Variants in FGF14 observed in about 807,000 individuals in gnomAD.
FGF14 encodes fibroblast growth factor 14.
A neutral mutation model predicts 25.5 loss-of-function variants in FGF14; 5 were observed. The ratio of observed to expected loss-of-function variants is 0.20; its 90% CI spans 0.10 to 0.41. The LOEUF is 0.41. Ranked by LOEUF, FGF14 falls within the 10% of genes least tolerant of loss-of-function variation. The pLI, the probability that FGF14 is intolerant of heterozygous loss-of-function variation, is 1.00. For synonymous variants in FGF14, 138 were observed against 118.3 expected, an observed-to-expected ratio of 1.17 and a Z score of -1.08; for missense variants, 222 against 320.1, an observed-to-expected ratio of 0.69 and a Z score of 2.34.
chr13:102,240,828 G>T (rs2141026816), intron 1 of FGF14, among the ~76,000 whole-genome samples: 1 of 152,056 alleles, frequency 6.6e-6, no homozygotes, highest in East Asian at 1.9e-4. Flanking sequence ...AAAATTAGGA[G>T]AAACAATACA....
intron 1 of FGF14, among the ~76,000 whole-genome samples, chr13:102,153,633 T>C (rs2047187863): frequency 6.6e-6 from 1 of 152,240 alleles, no homozygotes; most frequent in Non-Finnish European, 1.5e-5. Context: ...ATTTACCCTA[T>C]TTATCATTTT....
At chr13:102,353,780 T>C (rs1442796164) in intron 1 of FGF14, among the ~76,000 whole-genome samples, 1 of 152,120 alleles carries the variant, frequency 6.6e-6, no homozygotes, top group African/African-American at 2.4e-5. Flanking sequence ...CCCTGCAGAG[T>C]GTTTTTCCTA....
intron 1 of FGF14, among the ~76,000 whole-genome samples, chr13:102,354,781 T>C (rs527393191): frequency 1.3e-5 from 2 of 152,214 alleles, no homozygotes; most frequent in Non-Finnish European, 2.9e-5. Context: ...GAAAGAATCA[T>C]TTGCACTTCC....
chr13:102,257,368 T>TTTTTTTTTTTC (rs1324599457), intron 1 of FGF14, among the ~76,000 whole-genome samples: 1 of 144,640 alleles, frequency 6.9e-6, no homozygotes, highest in Non-Finnish European at 1.5e-5. Flanking sequence ...TTTTTTTTTT[T>TTTTTTTTTTTC]CGAGACGGAG....
chr13:102,185,069 T>C (rs2048825639), intron 1 of FGF14, among the ~76,000 whole-genome samples: 1 of 152,134 alleles, frequency 6.6e-6, no homozygotes, highest in Non-Finnish European at 1.5e-5. Context: ...AAGCATATGT[T>C]CTCAGGTAAA....
At chr13:102,358,964 A>C (rs1056752586) in intron 1 of FGF14, among the ~76,000 whole-genome samples, 1 of 152,220 alleles carries the variant, frequency 6.6e-6, no homozygotes, top group Admixed American at 6.5e-5. Context: ...TGTGGTACAT[A>C]TATACCATGG....
chr13:102,357,885 A>G (rs2057462082), intron 1 of FGF14, among the ~76,000 whole-genome samples: 1 of 152,222 alleles, frequency 6.6e-6, no homozygotes, highest in African/African-American at 2.4e-5. Context: ...ACCGTCCTCT[A>G]GAGCAAAATG....
intron 1 of FGF14, among the ~76,000 whole-genome samples, chr13:101,934,921 CTT>C (rs1243345319): frequency 1.3e-5 from 2 of 152,150 alleles, no homozygotes; most frequent in Admixed American, 6.5e-5. Context: ...GATGTACCCT[CTT>C]AACAGATTTT....
rs188115089 is a variant in FGF14, at chr13:102,112,130, A to T, written c.209-236834T>A. On this transcript the variant is annotated intron_variant, in intron 1 of 4. Transcript: ENST00000376131. ...ATTATTCTAGTACTTCATACTTATT[A>T]TCTCACTTAATCTCTCAAAACTCTG... 4.4e-3 allele frequency among the ~76,000 whole-genome samples: 666 copies of T among 152,304 alleles called. 8 individuals carry two copies. The highest frequency in any genetic ancestry group is 0.031 in the South Asian group (152 of 4,828).
chr13:101,733,421 C>T (rs2035943245), intron 3 of FGF14, among the ~76,000 whole-genome samples: 1 of 151,724 alleles, frequency 6.6e-6, no homozygotes, highest in Non-Finnish European at 1.5e-5. Flanking sequence ...ATGGTGAAAC[C>T]CCATCTCTAA....
At chr13:101,845,884 G>T (rs1176214255) in intron 3 of FGF14, among the ~76,000 whole-genome samples, 1 of 151,906 alleles carries the variant, frequency 6.6e-6, no homozygotes, top group Non-Finnish European at 1.5e-5. Context: ...GGGGGTAGGT[G>T]GTGGCAGGGC....
intron 3 of FGF14, among the ~76,000 whole-genome samples, chr13:101,777,849 A>G (rs2039227153): frequency 6.6e-6 from 1 of 152,132 alleles, no homozygotes; most frequent in African/African-American, 2.4e-5. Flanking sequence ...CTGTAATTCC[A>G]GCTAGTCGGG....
At chr13:102,010,824 C>A (rs1361515295) in intron 1 of FGF14, among the ~76,000 whole-genome samples, 1 of 152,116 alleles carries the variant, frequency 6.6e-6, no homozygotes, top group Non-Finnish European at 1.5e-5. Context: ...AACAATGGGG[C>A]AGTATGTCAG....
rs143175606 is a variant in FGF14 at position 101,965,912 on chromosome 13, A to G, written c.209-90616T>C. Among the ~76,000 whole-genome samples the G allele has an allele frequency of 5.0e-3, 760 of 152,282 alleles. 7 individuals carry two copies. Among genetic ancestry groups the G allele is most frequent in the African/African-American group, 0.017 (708 of 41,548 alleles). On this transcript the variant is annotated intron_variant, in intron 1 of 4. Transcript: ENST00000376131. Reference sequence around the variant, plus strand: ...AACTGAAAAGTGTCACTCCATAAAGAAAAAATAATTGGTAATTTTATACTT... The same window carrying G: ...AACTGAAAAGTGTCACTCCATAAAGGAAAAATAATTGGTAATTTTATACTT...
At chr13:101,788,245 C>G (rs1359962) in intron 3 of FGF14, among the ~76,000 whole-genome samples, 125,473 of 151,964 alleles carry the variant, frequency 0.83, 53,964 homozygotes, top group East Asian at 1. Flanking sequence ...AGTGCAGGTA[C>G]TCCAGGGCAG....
chr13:102,164,386 T>C (rs2047909416), intron 1 of FGF14, among the ~76,000 whole-genome samples: 1 of 152,160 alleles, frequency 6.6e-6, no homozygotes, highest in Non-Finnish European at 1.5e-5. Context: ...GATGACCAGC[T>C]TTTTTCTCCC....
chr13:102,040,032 C>A (rs555724435), intron 1 of FGF14, among the ~76,000 whole-genome samples: 2 of 152,016 alleles, frequency 1.3e-5, no homozygotes, highest in Admixed American at 1.3e-4. Context: ...AAAGTCAAAC[C>A]AAACTACAGG....
At chr13:101,977,494 T>C (rs954207527) in intron 1 of FGF14, among the ~76,000 whole-genome samples, 1 of 152,230 alleles carries the variant, frequency 6.6e-6, no homozygotes, top group Non-Finnish European at 1.5e-5. Context: ...CTGGCCATGG[T>C]AGTCAAATGG....
intron 3 of FGF14, among the ~76,000 whole-genome samples, chr13:101,810,356 TTAAAA>T (rs1170535978): frequency 2.0e-4 from 31 of 152,384 alleles, no homozygotes; most frequent in South Asian, 6.2e-4. Flanking sequence ...TTACTTACAG[TTAAAA>T]TAAAGTTTAA....
Sources: gnomAD v4.1 joint callset for allele counts (sites outside exome capture counted in the v4.1 genomes callset) on GRCh38, gnomAD v4.1.1 for gene constraint, MANE v1.5 for transcripts, NCBI Gene and HGNC (gene_info 2026-07-23, HGNC 2026-07-21) for gene names.